Variants in HS6ST3 observed in about 807,000 individuals in gnomAD.
The protein encoded by HS6ST3 is heparan sulfate 6-O-sulfotransferase 3.
A neutral mutation model predicts 36.7 loss-of-function variants in HS6ST3; 12 were observed. That is an observed-to-expected ratio of 0.33 (90% CI 0.21 to 0.53). HS6ST3 has a LOEUF of 0.53. Among genes scored for constraint, HS6ST3 ranks in the 20% least tolerant of loss-of-function variants. The pLI is 0.95. For synonymous variants in HS6ST3, 240 were observed against 257.5 expected (o/e 0.93, Z 0.65); for missense variants, 584 against 640.9 (o/e 0.91, Z 0.96).
At chr13:96,324,316 C>T (rs959994880) in intron 1 of HS6ST3, among the ~76,000 whole-genome samples, 1 of 152,218 alleles carries the variant, frequency 6.6e-6, no homozygotes, top group African/African-American at 2.4e-5. Flanking sequence ...ATTACAAATG[C>T]TGTGATCTCC....
At chr13:96,515,562 C>T (rs1157501800) in intron 1 of HS6ST3, among the ~76,000 whole-genome samples, 2 of 152,212 alleles carry the variant, frequency 1.3e-5, no homozygotes, top group East Asian at 1.9e-4. Context: ...ATGCTACCTC[C>T]TCTGATATGG....
chr13:96,432,291 C>T (rs188506009), intron 1 of HS6ST3, among the ~76,000 whole-genome samples: 4 of 152,276 alleles, frequency 2.6e-5, no homozygotes, highest in Admixed American at 1.3e-4. Context: ...ATTACATTTA[C>T]TATACATTTT....
intron 1 of HS6ST3, among the ~76,000 whole-genome samples, chr13:96,781,000 T>G (rs1486136632): frequency 3.3e-5 from 5 of 151,758 alleles, no homozygotes; most frequent in African/African-American, 1.2e-4. Flanking sequence ...TAAACATTAT[T>G]ACACCCAATT....
chr13:96,478,703 CACAACTCTAATTTTT>C (rs67884549), intron 1 of HS6ST3, among the ~76,000 whole-genome samples: 8,102 of 152,202 alleles, frequency 0.053, 253 homozygotes, highest in Middle Eastern at 0.086. Context: ...GTTTTATGTT[CACAACTCTAATTTTT>C]ACAACTCCGT....
intron 1 of HS6ST3, among the ~76,000 whole-genome samples, chr13:96,568,080 C>T (rs531215602): frequency 8.7e-4 from 133 of 152,282 alleles, no homozygotes; most frequent in South Asian, 3.9e-3. Context: ...AAATGAAAAA[C>T]GTGCATGTCT....
chr13:96,471,012 T>TA (rs2055837802), intron 1 of HS6ST3, among the ~76,000 whole-genome samples: 1 of 152,248 alleles, frequency 6.6e-6, no homozygotes, highest in Admixed American at 6.5e-5. Context: ...ATTTGCTTTA[T>TA]ATCCCTGATG....
chr13:96,164,197 C>T (rs918350146), intron 1 of HS6ST3, among the ~76,000 whole-genome samples: 2 of 152,134 alleles, frequency 1.3e-5, no homozygotes, highest in Admixed American at 6.5e-5. Flanking sequence ...TACATGCCAA[C>T]TGTGTCTCCA....
intron 1 of HS6ST3, among the ~76,000 whole-genome samples, chr13:96,538,563 C>T (rs1242285858): frequency 6.6e-6 from 1 of 152,192 alleles, no homozygotes; most frequent in East Asian, 1.9e-4. Flanking sequence ...CATGCCTTGG[C>T]CTCCTGAGTA....
intron 1 of HS6ST3, among the ~76,000 whole-genome samples, chr13:96,608,315 T>C (rs1468252380): frequency 1.3e-5 from 2 of 152,254 alleles, no homozygotes; most frequent in African/African-American, 2.4e-5. Context: ...AAATGAATGA[T>C]AGAATGTTGC....
chr13:96,246,243 C>G, intron 1 of HS6ST3, among the ~76,000 whole-genome samples: 1 of 152,056 alleles, frequency 6.6e-6, no homozygotes, highest in African/African-American at 2.4e-5. Flanking sequence ...AGACACACAG[C>G]CAGTGTAGCC....
chr13:96,423,843 A>G (rs1382903420), intron 1 of HS6ST3, among the ~76,000 whole-genome samples: 5 of 152,202 alleles, frequency 3.3e-5, no homozygotes, highest in African/African-American at 1.2e-4. Flanking sequence ...AGTAAGGTCA[A>G]TTATGAGGTC....
chr13:96,258,172 G>A (rs2054646668), intron 1 of HS6ST3, among the ~76,000 whole-genome samples: 1 of 152,190 alleles, frequency 6.6e-6, no homozygotes, highest in Admixed American at 6.5e-5. Flanking sequence ...AGTGGATTTA[G>A]TATGTCTATT....
At chr13:96,512,846 T>C (rs2056056027) in intron 1 of HS6ST3, among the ~76,000 whole-genome samples, 1 of 152,080 alleles carries the variant, frequency 6.6e-6, no homozygotes, top group Non-Finnish European at 1.5e-5. Flanking sequence ...TGTTTTTTTC[T>C]TCCTCTCTCT....
intron 1 of HS6ST3, among the ~76,000 whole-genome samples, chr13:96,142,803 A>G (rs142954910): frequency 1.2e-4 from 19 of 152,200 alleles, no homozygotes; most frequent in Middle Eastern, 3.4e-3. Context: ...CTTATAGCCT[A>G]TTTTTCTTCA....
At chr13:96,432,681 C>T (rs1307766236) in intron 1 of HS6ST3, among the ~76,000 whole-genome samples, 1 of 152,116 alleles carries the variant, frequency 6.6e-6, no homozygotes, top group Non-Finnish European at 1.5e-5. Context: ...CTAAATGTTC[C>T]TTAGCAAAAG....
intron 1 of HS6ST3, among the ~76,000 whole-genome samples, chr13:96,325,932 G>A (rs2055028597): frequency 6.6e-6 from 1 of 152,036 alleles, no homozygotes; most frequent in Non-Finnish European, 1.5e-5. Context: ...ACACAGAACT[G>A]TATTTTAAAA....
intron 1 of HS6ST3, among the ~76,000 whole-genome samples, chr13:96,670,818 A>G (rs1178599134): frequency 1.3e-5 from 2 of 152,192 alleles, no homozygotes; most frequent in African/African-American, 4.8e-5. Context: ...ATGACTGGCC[A>G]ACAGAGATGG....
intron 1 of HS6ST3, among the ~76,000 whole-genome samples, chr13:96,462,622 A>T (rs1318544935): frequency 6.6e-6 from 1 of 152,200 alleles, no homozygotes; most frequent in African/African-American, 2.4e-5. Flanking sequence ...ATTTCAGCCA[A>T]TGCAATGTGA....
intron 1 of HS6ST3, among the ~76,000 whole-genome samples, chr13:96,470,106 G>A (rs2055833462): frequency 6.6e-6 from 1 of 152,076 alleles, no homozygotes; most frequent in Non-Finnish European, 1.5e-5. Context: ...ATACAGTAGT[G>A]CTAAAAATCT....
Sources: gnomAD v4.1 joint callset for allele counts (sites outside exome capture counted in the v4.1 genomes callset) on GRCh38, gnomAD v4.1.1 for gene constraint, MANE v1.5 for transcripts, NCBI Gene and HGNC (gene_info 2026-07-23, HGNC 2026-07-21) for gene names.